SLC12A1: variants seen among roughly 807,000 people sequenced by gnomAD.
SLC12A1 encodes solute carrier family 12 member 1.
SLC12A1 carries 89 observed loss-of-function variants against 130.4 expected under a neutral mutation model. That is an observed-to-expected ratio of 0.68 (90% confidence interval 0.58 to 0.81). The LOEUF is 0.81. Among genes scored for constraint, SLC12A1 ranks in the 40% least tolerant of loss-of-function variants. SLC12A1 has a pLI of 0.00. For synonymous variants in SLC12A1, 499 were observed against 460.0 expected (o/e 1.08, Z -1.09); for missense variants, 1,310 against 1,336.4 (o/e 0.98, Z 0.31).
intron 23 of SLC12A1, among the ~76,000 whole-genome samples, chr15:48,290,860 G>A (rs1221875791): frequency 2.0e-5 from 3 of 152,072 alleles, no homozygotes; most frequent in Non-Finnish European, 2.9e-5. Context: ...TCTTAAAGCT[G>A]CCAATATTTT....
chr15:48,276,399 G>GT (rs1387547669), intron 20 of SLC12A1, among the ~76,000 whole-genome samples: 4 of 152,150 alleles, frequency 2.6e-5, no homozygotes, highest in Non-Finnish European at 5.9e-5. Context: ...GAATGTGACT[G>GT]TATTTGGAGA....
intron 21 of SLC12A1, among the ~76,000 whole-genome samples, chr15:48,287,551 C>G (rs1443570515): frequency 6.6e-6 from 1 of 152,104 alleles, no homozygotes; most frequent in South Asian, 2.1e-4. Flanking sequence ...GGAACTTAAA[C>G]CAAAATAGTG....
intron 17 of SLC12A1, among the ~76,000 whole-genome samples, chr15:48,264,498 G>GA (rs1230148676): frequency 6.6e-6 from 1 of 151,608 alleles, no homozygotes; most frequent in Non-Finnish European, 1.5e-5. Context: ...ATCCACCAAG[G>GA]AAAAAATGTA....
Position 48,247,386 on chromosome 15 carries a change from G to C in SLC12A1, c.1610G>C (p.Gly537Ala). The change falls in exon 13 of 27, where the codon GGA becomes GCA. Residue 537 changes from glycine (G) to alanine (A), a missense_variant. Gly to Ala is a moderately conservative substitution (Grantham distance 60). Transcript: ENST00000380993. ...IYKALQFFAK[G>A]YGKNNEPLRG... is the part of the protein sequence containing the mutation. ...AAAGCCCTGCAGTTTTTTGCAAAGG[G>C]ATATGGGAAAAACAATGAACCCCTG... The C allele has an allele frequency of 1.9e-6, 3 of 1,612,756 alleles. No homozygotes were observed. Among genetic ancestry groups the C allele is most frequent in the Non-Finnish European group, 2.5e-6 (3 of 1,178,962 alleles).
At chr15:48,301,822 C>T (rs551127153) in intron 26 of SLC12A1, among the ~76,000 whole-genome samples, 1 of 152,294 alleles carries the variant, frequency 6.6e-6, no homozygotes, top group South Asian at 2.1e-4. Flanking sequence ...GAGAAAAAGG[C>T]AGAGCCATTT....
intron 4 of SLC12A1, chr15:48,222,356 C>T (rs1271754931): frequency 6.6e-6 from 1 of 152,136 alleles, no homozygotes; most frequent in East Asian, 1.9e-4. Flanking sequence ...TCAGATCTTA[C>T]ATTACTCTTC....
chr15:48,231,211 A>T (rs1278176532), intron 7 of SLC12A1, among the ~76,000 whole-genome samples: 1 of 152,232 alleles, frequency 6.6e-6, no homozygotes, highest in Non-Finnish European at 1.5e-5. Context: ...TTATGCATTC[A>T]CACATTCAAC....
At chr15:48,248,055 C>T (rs1566840033) in intron 13 of SLC12A1, among the ~76,000 whole-genome samples, 1 of 152,198 alleles carries the variant, frequency 6.6e-6, no homozygotes, top group Non-Finnish European at 1.5e-5. Context: ...TGGAGAGGCA[C>T]ATTCATCAAC....
chr15:48,210,693 TA>T (rs34235092), intron 2 of SLC12A1, among the ~76,000 whole-genome samples: 115,501 of 122,684 alleles, frequency 0.94, 54,576 homozygotes, highest in South Asian at 0.98. Flanking sequence ...CTTCTCTACT[TA>T]AAAAAAAAAA....
chr15:48,246,296 T>C (rs2041579049), intron 11 of SLC12A1, among the ~76,000 whole-genome samples: 1 of 152,182 alleles, frequency 6.6e-6, no homozygotes, highest in African/African-American at 2.4e-5. Flanking sequence ...AAAATACTAC[T>C]TTCTGCTGGA....
At chr15:48,212,570 T>A (rs1480885093) in intron 2 of SLC12A1, among the ~76,000 whole-genome samples, 1 of 152,184 alleles carries the variant, frequency 6.6e-6, no homozygotes, top group Non-Finnish European at 1.5e-5. Context: ...CCAGCCTAAT[T>A]CCTGTGACCA....
chr15:48,240,824 AT>A lies in SLC12A1; in HGVS notation c.1216-690del, dbSNP rs544359889. The stretch of plus-strand genomic sequence containing the variant: ...CTTAAGAATTGATTTTATATGATTT[AT>A]CCCCCCCAATAGGATATACAATGGT... On this transcript the variant is annotated intron_variant, in intron 9 of 26. Coordinates refer to ENST00000380993, the MANE Select transcript of SLC12A1 (RefSeq NM_000338.3). Among the ~76,000 whole-genome samples the A allele has an allele frequency of 3.9e-5, 6 of 152,280 alleles. No homozygotes were observed. In the East Asian group the frequency reaches 1.2e-3, roughly 29 times the overall value.
chr15:48,267,995 G>A (rs2041852430), intron 18 of SLC12A1, among the ~76,000 whole-genome samples: 1 of 152,194 alleles, frequency 6.6e-6, no homozygotes, highest in South Asian at 2.1e-4. Flanking sequence ...TCTGGTGGTT[G>A]ACGACATTCA....
chr15:48,302,623 T>C, intron 26 of SLC12A1, 127 bp from the exon 27 acceptor site: 7 of 205,122 alleles, frequency 3.4e-5, no homozygotes, highest in Non-Finnish European at 4.8e-5. Flanking sequence ...CGAGACTCCG[T>C]CTCAAAAAAA....
chr15:48,211,864 T>C (rs182337197), intron 2 of SLC12A1, among the ~76,000 whole-genome samples: 169 of 152,326 alleles, frequency 1.1e-3, no homozygotes, highest in Admixed American at 0.01. Flanking sequence ...TGACAGAATT[T>C]ATAATCCCAA....
At chr15:48,296,115 G>A (rs913549514) in intron 24 of SLC12A1, among the ~76,000 whole-genome samples, 9 of 152,138 alleles carry the variant, frequency 5.9e-5, no homozygotes, top group African/African-American at 1.7e-4. Context: ...GACCTCGGCC[G>A]GGCAGCCCTT....
At chr15:48,273,145 C>T (rs1011992109) in intron 19 of SLC12A1, among the ~76,000 whole-genome samples, 1 of 149,482 alleles carries the variant, frequency 6.7e-6, no homozygotes, top group Non-Finnish European at 1.5e-5. Flanking sequence ...TCTTACAGTT[C>T]TGTCGATTAG....
Position 48,255,801 on chromosome 15 carries a change from T to C in SLC12A1, c.1943-10T>C. ...GTGTTTTTTATGCCAATTTCCTCCT[T>C]TATCCACAGATGTGAACTGGGGCTC... On this transcript the variant is annotated splice_polypyrimidine_tract_variant and intron_variant, in intron 15 of 26. Transcript: ENST00000380993. 5.1e-6 allele frequency: 8 copies of C among 1,570,500 alleles called. No homozygotes were observed. The highest frequency in any genetic ancestry group is 7.0e-6 in the Non-Finnish European group (8 of 1,147,718).
intron 11 of SLC12A1, 142 bp from the exon 12 acceptor site, chr15:48,246,767 G>A (rs1053643495): frequency 2.9e-5 from 21 of 715,116 alleles, no homozygotes; most frequent in East Asian, 1.1e-4. Context: ...GCGATAGAGC[G>A]AGACTGTCTC....
Sources: allele counts gnomAD v4.1 joint callset (sites outside exome capture counted in the v4.1 genomes callset), GRCh38; gene constraint gnomAD v4.1.1; transcripts MANE v1.5; gene names NCBI Gene and HGNC (gene_info 2026-07-23, HGNC 2026-07-21).